The following JAZF1 variants were observed in gnomAD, a reference collection of about 807,000 sequenced individuals.
The protein encoded by JAZF1 is juxtaposed with another zinc finger protein 1.
JAZF1 carries 8 observed loss-of-function variants against 26.4 expected under a neutral mutation model. The ratio of observed to expected loss-of-function variants is 0.30; its 90% CI spans 0.18 to 0.55. The LOEUF is 0.55. Among genes scored for constraint, JAZF1 ranks in the 20% least tolerant of loss-of-function variants. JAZF1 has a pLI of 0.94. For missense variants in JAZF1, 199 were observed against 322.0 expected, an observed-to-expected ratio of 0.62 and a Z score of 2.92; for synonymous variants, 126 against 122.3, an observed-to-expected ratio of 1.03 and a Z score of -0.20.
At chr7:27,936,103 C>A (rs1440905369) in intron 2 of JAZF1, among the ~76,000 whole-genome samples, 2 of 152,222 alleles carry the variant, frequency 1.3e-5, no homozygotes, top group African/African-American at 4.8e-5. Flanking sequence ...AAAGCAACAA[C>A]CATCATTCTT....
chr7:27,929,963 C>CCCCCT, intron 2 of JAZF1, among the ~76,000 whole-genome samples: 1 of 117,708 alleles, frequency 8.5e-6, no homozygotes, highest in Non-Finnish European at 2.0e-5. Flanking sequence ...TCTCTCTCCC[C>CCCCCT]CTCTCTCCCT....
intron 1 of JAZF1, among the ~76,000 whole-genome samples, chr7:28,110,594 A>G (rs562208261): frequency 7.8e-6 from 1 of 128,220 alleles, no homozygotes; most frequent in African/African-American, 2.8e-5. Context: ...GGAAAAGGAA[A>G]AGGAAAAGGA....
At chr7:27,877,381 T>C (rs1036117033) in intron 3 of JAZF1, among the ~76,000 whole-genome samples, 7 of 152,190 alleles carry the variant, frequency 4.6e-5, no homozygotes, top group Admixed American at 3.9e-4. Flanking sequence ...TGGAAAGGTA[T>C]AACGGTCTGA....
At chr7:28,040,643 C>G (rs957622519) in intron 1 of JAZF1, among the ~76,000 whole-genome samples, 1 of 151,926 alleles carries the variant, frequency 6.6e-6, no homozygotes, top group Non-Finnish European at 1.5e-5. Flanking sequence ...ATGAGGGTGT[C>G]GGGGTGTAGA....
intron 1 of JAZF1, among the ~76,000 whole-genome samples, chr7:27,999,942 A>G (rs1477391586): frequency 6.6e-6 from 1 of 152,196 alleles, no homozygotes. Flanking sequence ...ATGATGTACA[A>G]TTCACAATAA....
At chr7:27,933,188 G>A (rs1297157090) in intron 2 of JAZF1, among the ~76,000 whole-genome samples, 1 of 152,196 alleles carries the variant, frequency 6.6e-6, no homozygotes, top group Non-Finnish European at 1.5e-5. Context: ...TAGGGGTAGA[G>A]GGTTTAATAA....
intron 2 of JAZF1, among the ~76,000 whole-genome samples, chr7:27,954,763 T>C (rs1326932149): frequency 1.3e-5 from 1 of 74,576 alleles, no homozygotes; most frequent in Non-Finnish European, 4.1e-5. Flanking sequence ...ACAGGACTTA[T>C]TATTTTTTCT....
At chr7:27,978,686 C>T (rs1346589897) in intron 2 of JAZF1, among the ~76,000 whole-genome samples, 1 of 152,134 alleles carries the variant, frequency 6.6e-6, no homozygotes, top group East Asian at 1.9e-4. Flanking sequence ...AGAAAAAGTG[C>T]TCTGGAATCA....
intron 1 of JAZF1, among the ~76,000 whole-genome samples, chr7:28,134,466 C>CTT (rs11301719): frequency 2.3e-5 from 3 of 133,162 alleles, no homozygotes; most frequent in East Asian, 2.2e-4. Context: ...GCATGCCTAG[C>CTT]TTTTTTTTTT....
intron 2 of JAZF1, among the ~76,000 whole-genome samples, chr7:27,920,096 A>C (rs894475952): frequency 1.3e-5 from 2 of 152,186 alleles, no homozygotes; most frequent in Non-Finnish European, 2.9e-5. Flanking sequence ...CATTATTGTA[A>C]GGTACATCCA....
At chr7:27,908,277 T>C (rs930427355) in intron 2 of JAZF1, among the ~76,000 whole-genome samples, 3 of 147,832 alleles carry the variant, frequency 2.0e-5, no homozygotes, top group African/African-American at 2.5e-5. Context: ...TGTTGAAAGA[T>C]AGAGCAGAGT....
intron 3 of JAZF1, among the ~76,000 whole-genome samples, chr7:27,871,790 G>A (rs1014025364): frequency 9.9e-5 from 15 of 152,182 alleles, no homozygotes; most frequent in Admixed American, 5.9e-4. Context: ...AATTAGAAGC[G>A]TGTGAAGGGT....
chr7:27,878,665 A>G (rs180923806), intron 3 of JAZF1, among the ~76,000 whole-genome samples: 2 of 152,264 alleles, frequency 1.3e-5, no homozygotes, highest in East Asian at 3.9e-4. Flanking sequence ...GCAGTAACGC[A>G]TTTTGTAAAT....
At chr7:27,851,190 G>A (rs779718649) in intron 3 of JAZF1, among the ~76,000 whole-genome samples, 29 of 152,144 alleles carry the variant, frequency 1.9e-4, no homozygotes, top group Non-Finnish European at 4.0e-4. Context: ...TGATCCACCC[G>A]CCTCGGCCTC....
intron 1 of JAZF1, among the ~76,000 whole-genome samples, chr7:28,030,881 G>A (rs1783177566): frequency 6.6e-6 from 1 of 152,028 alleles, no homozygotes; most frequent in South Asian, 2.1e-4. Context: ...CTACCTAACT[G>A]CCCCCATGAT....
intron 2 of JAZF1, chr7:27,914,910 G>T (rs1784420071): frequency 2.2e-6 from 1 of 455,956 alleles, no homozygotes; most frequent in African/African-American, 2.0e-5. Flanking sequence ...ATTCATGGCA[G>T]TAACCAGAGC....
At chr7:27,879,328 C>G (rs1265677992) in intron 3 of JAZF1, among the ~76,000 whole-genome samples, 1 of 152,086 alleles carries the variant, frequency 6.6e-6, no homozygotes, top group African/African-American at 2.4e-5. Flanking sequence ...GTTCATGGCG[C>G]CAGGATGAAG....
intron 2 of JAZF1, among the ~76,000 whole-genome samples, chr7:27,919,384 G>A (rs192671602): frequency 6.6e-6 from 1 of 152,064 alleles, no homozygotes; most frequent in Non-Finnish European, 1.5e-5. Flanking sequence ...AAACCAATAA[G>A]GAATAAAGAT....
chr7:27,907,358 G>C (rs915413074), intron 2 of JAZF1, among the ~76,000 whole-genome samples: 6 of 152,146 alleles, frequency 3.9e-5, no homozygotes, highest in Non-Finnish European at 8.8e-5. Context: ...ATGGGTGCTG[G>C]CCTTGTGCTC....
Sources: gnomAD v4.1 joint callset for allele counts (sites outside exome capture counted in the v4.1 genomes callset) on GRCh38, gnomAD v4.1.1 for gene constraint, MANE v1.5 for transcripts, NCBI Gene and HGNC (gene_info 2026-07-23, HGNC 2026-07-21) for gene names.